The following ZNF616 variants were observed in gnomAD, a reference collection of about 807,000 sequenced individuals.
ZNF616 encodes zinc finger protein 616.
Under a neutral mutation model 7.6 loss-of-function variants are expected in ZNF616, and 5 were observed. The ratio of observed to expected loss-of-function variants is 0.66; its 90% CI spans 0.34 to 1.38. The LOEUF (loss-of-function observed/expected upper bound fraction) is 1.38. Among genes scored for constraint, ZNF616 ranks in the 40% most tolerant of loss-of-function variants. The pLI, the probability that ZNF616 is intolerant of heterozygous loss-of-function variation, is 0.04. For synonymous variants in ZNF616, 319 were observed against 317.2 expected (o/e 1.01, Z -0.06); for missense variants, 913 against 948.3 (o/e 0.96, Z 0.49).
rs573440675 is a variant in ZNF616, at chr19:52,125,811, C to A, written c.13-1762G>T. The stretch of plus-strand genomic sequence containing the variant: ...AAGGAACAGGATGAAAGGTTAGGGG[C>A]CACTGAGCAAAAAGATAACTGACGT... On this transcript the variant is annotated intron_variant, in intron 2 of 3. Coordinates refer to ENST00000600228, the MANE Select transcript of ZNF616 (RefSeq NM_178523.5). Among the ~76,000 whole-genome samples, 4 of 152,268 alleles carry A rather than the reference C, an allele frequency of 2.6e-5. No individual in the cohort carries two copies. The East Asian group carries it at 5.8e-4, about 22-fold the overall frequency.
intron 1 of ZNF616, among the ~76,000 whole-genome samples, chr19:52,131,034 C>T (rs1037276510): frequency 1.3e-5 from 2 of 152,042 alleles, no homozygotes; most frequent in East Asian, 3.9e-4. Flanking sequence ...TTTGGGAGGT[C>T]GAGGCGGGTG....
intron 2 of ZNF616, among the ~76,000 whole-genome samples, chr19:52,128,715 C>A (rs1325591456): frequency 6.7e-6 from 1 of 148,238 alleles, no homozygotes; most frequent in African/African-American, 2.5e-5. Context: ...GCACTCCAGC[C>A]TGGGCAACAA....
At position 52,115,305 on chromosome 19, in the gene ZNF616, A is replaced by T; in HGVS notation, c.1859T>A (p.Leu620His). 6.2e-7 allele frequency: 1 copy of T among 1,614,092 alleles called. No homozygotes were observed. Among genetic ancestry groups the T allele is most frequent in the South Asian group, 1.1e-5 (1 of 91,088 alleles). ...CGKAFNQGST[L>H]NRHQRIHTGE... ...GGTATGAATTCTCTGATGTCTATTG[A>T]GTGTGGAGCCCTGATTAAAGGCTTT... The change falls in exon 4 of 4, where the codon CTC (leucine) becomes CAC (histidine). Residue 620 changes from leucine to histidine, a missense_variant. Coordinates refer to ENST00000600228, the MANE Select transcript of ZNF616 (RefSeq NM_178523.5).
At position 52,128,958 on chromosome 19, in the gene ZNF616, C is replaced by T. The variant is rs141209749; in HGVS notation, c.12+1543G>A. Among the ~76,000 whole-genome samples, 750 of 150,688 alleles carry T rather than the reference C, an allele frequency of 5.0e-3. 9 individuals are homozygous for T. The highest frequency in any genetic ancestry group is 0.018 in the African/African-American group (720 of 40,994). On this transcript the variant is annotated intron_variant, in intron 2 of 3. Transcript: ENST00000600228. Reference sequence around the variant, plus strand: ...CCAGAACAGCTAAAATCTCATTTAGCATGAATTTCATATATAATAAAACAT... The same window carrying T: ...CCAGAACAGCTAAAATCTCATTTAGTATGAATTTCATATATAATAAAACAT...
rs1054071222 is a variant in ZNF616, at chr19:52,127,924, C to T, written c.12+2577G>A. 2.6e-5 allele frequency among the ~76,000 whole-genome samples: 4 copies of T among 152,148 alleles called. No homozygotes were observed. The South Asian group carries it at 6.2e-4, about 24-fold the overall frequency. On this transcript the variant is annotated intron_variant, in intron 2 of 3. Coordinates refer to ENST00000600228, the MANE Select transcript of ZNF616 (RefSeq NM_178523.5). ...TGTTTTCTAAAATCTCATAATGACA[C>T]GTAAATGCATCTTGACACCTCTCAC...
rs1447780775 is a variant in ZNF616 at position 52,133,581 on chromosome 19, C to T, written c.-76-2993G>A. Among the ~76,000 whole-genome samples, 3 of 152,134 alleles carry T rather than the reference C, an allele frequency of 2.0e-5. No homozygotes were observed. The East Asian group carries it at 5.8e-4, about 30-fold the overall frequency. ...TCGCCTAGGCTGGAGTGCAATGGCA[C>T]GATCTCGGCTCACTGCAACCTCCGC... On this transcript the variant is annotated intron_variant, in intron 1 of 3. Transcript: ENST00000600228.
chr19:52,116,612 C>T lies in ZNF616; in HGVS notation c.552G>A (p.Thr184=), dbSNP rs187731460. The change falls in exon 4 of 4, where the codon ACG becomes ACA. Residue 184 remains threonine, a synonymous_variant. Coordinates refer to ENST00000600228, the MANE Select transcript of ZNF616 (RefSeq NM_178523.5). ...CLVSPHIREK[T]YVCNECGKAF... ...CTTTGCCACATTCATTACATACATA[C>T]GTTTTTTCCCTAATGTGTGGAGAAA... is the stretch of plus-strand genomic sequence containing the variant. 107 of 1,614,034 alleles carry T rather than the reference C, an allele frequency of 6.6e-5. No individual in the cohort carries two copies. Among genetic ancestry groups the T allele is most frequent in the Admixed American group, 4.8e-4 (29 of 60,010 alleles).
Position 52,114,645 on chromosome 19 carries a change from C to T in ZNF616, c.*173G>A, listed in dbSNP as rs953923928. 26 of 750,646 alleles carry T rather than the reference C, an allele frequency of 3.5e-5. No individual in the cohort carries two copies. The highest frequency in any genetic ancestry group is 5.2e-5 in the Non-Finnish European group (25 of 483,280). The allele number at this position is 750,646 out of a possible 1,614,324, so 46.5% of individuals were successfully genotyped here. A position where few individuals can be genotyped will look rare whatever the true frequency, so the allele number is the denominator to read the frequency against. ...CCAGGACAGCACCAAGGGGATGACG[C>T]TACATCTTTCTCAGTTTGAGAAATC... On this transcript the variant is annotated 3_prime_UTR_variant, in exon 4 of 4. Coordinates refer to ENST00000600228, the MANE Select transcript of ZNF616 (RefSeq NM_178523.5).
chr19:52,133,344 A>G (rs1359743906), intron 1 of ZNF616, among the ~76,000 whole-genome samples: 2 of 152,216 alleles, frequency 1.3e-5, no homozygotes, highest in Non-Finnish European at 1.5e-5. Context: ...AATGTTTAAA[A>G]TAATTCCCTA....
At chr19:52,137,204 G>A (rs2089018883) in intron 1 of ZNF616, among the ~76,000 whole-genome samples, 1 of 151,668 alleles carries the variant, frequency 6.6e-6, no homozygotes, top group Non-Finnish European at 1.5e-5. Flanking sequence ...GGATCATGAG[G>A]TCAGGAGATT....
At position 52,139,332 on chromosome 19, in the gene ZNF616, G is replaced by A. The variant is rs903640678; in HGVS notation, c.-77+400C>T. On this transcript the variant is annotated intron_variant, in intron 1 of 3. Transcript: ENST00000600228. This position sits in a 1 kb window ranked among gnomAD's most constrained non-coding sequence, Gnocchi z 4.1. Reference sequence around the variant, plus strand: ...CGGAGTCAGGAAAAGCAGTGGCTGTGAAGGGGCAGCCTGGGGAGGGGAAGG... The same window carrying A: ...CGGAGTCAGGAAAAGCAGTGGCTGTAAAGGGGCAGCCTGGGGAGGGGAAGG... 1.3e-5 allele frequency among the ~76,000 whole-genome samples: 2 copies of A among 152,178 alleles called. No homozygotes were observed. The highest frequency in any genetic ancestry group is 4.8e-5 in the African/African-American group (2 of 41,448).
At position 52,130,495 on chromosome 19, in the gene ZNF616, C is replaced by T. The variant is rs370659860; in HGVS notation, c.12+6G>A. ...ATCACTTCACTTGAGTAAAGTATCA[C>T]TCTACCTGAGTAGCCATCACTGACT... On this transcript the variant is annotated splice_donor_region_variant and intron_variant, in intron 2 of 3. Transcript: ENST00000600228. 1.2e-6 allele frequency: 2 copies of T among 1,610,728 alleles called. No individual in the cohort carries two copies. The highest frequency in any genetic ancestry group is 2.7e-5 in the African/African-American group (2 of 74,852).
At position 52,124,185 on chromosome 19, in the gene ZNF616, G is replaced by A. The variant is rs534385708; in HGVS notation, c.13-136C>T. The A allele has an allele frequency of 1.2e-4, 139 of 1,114,772 alleles. No homozygotes were observed. In the African/African-American group the frequency reaches 2.0e-3, roughly 16 times the overall value. 69.1% of individuals were successfully genotyped at this position (1,114,772 alleles called of 1,614,324 possible). A position where few individuals can be genotyped will look rare whatever the true frequency, so the allele number is the denominator to read the frequency against. ...TATGGCATCTGTGAGAAAGTTATTG[G>A]TCCCTAATTTTAGTTTGTTATAAAA... On this transcript the variant is annotated intron_variant, in intron 2 of 3. Coordinates refer to ENST00000600228, the MANE Select transcript of ZNF616 (RefSeq NM_178523.5).
At chr19:52,123,368 G>C (rs1295440704) in intron 3 of ZNF616, among the ~76,000 whole-genome samples, 1 of 152,060 alleles carries the variant, frequency 6.6e-6, no homozygotes. Flanking sequence ...GTCAGGGATA[G>C]GCCAAGCGTA....
chr19:52,130,574 A>G lies in ZNF616; in HGVS notation c.-62T>C. On this transcript the variant is annotated 5_prime_UTR_variant, in exon 2 of 4. It removes the in-frame stop codon of an upstream open reading frame in the 5' UTR. Coordinates refer to ENST00000600228, the MANE Select transcript of ZNF616 (RefSeq NM_178523.5). ...GGTTTCTTTCTCAGTCAATGTAATT[A>G]TTCACACATCAAACCTGAAAGTTAA... 2 of 1,578,654 alleles carry G rather than the reference A, an allele frequency of 1.3e-6. No individual in the cohort carries two copies. The highest frequency in any genetic ancestry group is 2.3e-5 in the South Asian group (2 of 85,114).
chr19:52,124,087 A>G (rs200791804), intron 2 of ZNF616, 38 bp from the exon 3 acceptor site: 2 of 1,575,330 alleles, frequency 1.3e-6, no homozygotes. Context: ...AAGCAATATG[A>G]GAGCTCTTCT....
intron 1 of ZNF616, chr19:52,138,341 C>T (rs562522774): frequency 6.6e-6 from 1 of 152,230 alleles, no homozygotes; most frequent in Admixed American, 6.5e-5. Context: ...AATGCACAAG[C>T]CTTGTAGAAA....
At chr19:52,134,254 A>G (rs2088988860) in intron 1 of ZNF616, among the ~76,000 whole-genome samples, 1 of 152,254 alleles carries the variant, frequency 6.6e-6, no homozygotes, top group African/African-American at 2.4e-5. Flanking sequence ...TTCCCTCCTT[A>G]TCACGACATC....
chr19:52,124,838 T>C lies in ZNF616; in HGVS notation c.13-789A>G, dbSNP rs546366622. Among the ~76,000 whole-genome samples, 4 of 152,244 alleles carry C rather than the reference T, an allele frequency of 2.6e-5. No homozygotes were observed. The East Asian group carries it at 7.7e-4, about 29-fold the overall frequency. On this transcript the variant is annotated intron_variant, in intron 2 of 3. Transcript: ENST00000600228. ...AGGACTGATGTCTGCTGAGGGATGA[T>C]CCCTGCTTCCAAGATGGTGTCTTGT...
Sources: allele counts gnomAD v4.1 joint callset (sites outside exome capture counted in the v4.1 genomes callset), GRCh38; gene constraint gnomAD v4.1.1; non-coding constraint Gnocchi (gnomAD v3.1); transcripts MANE v1.5; gene names NCBI Gene and HGNC (gene_info 2026-07-23, HGNC 2026-07-21).